Variants in GNAT3 observed in about 807,000 individuals in gnomAD.
GNAT3 encodes guanine nucleotide-binding protein G(t) subunit alpha-3.
In GNAT3, 31 loss-of-function variants were observed where a neutral mutation model predicts 37.7. The ratio of observed to expected loss-of-function variants is 0.82; its 90% confidence interval spans 0.62 to 1.11. GNAT3 has a LOEUF of 1.11. Among genes scored for constraint, GNAT3 ranks in the 50% most tolerant of loss-of-function variants. The pLI is 0.00. For synonymous variants in GNAT3, 138 were observed against 139.8 expected (o/e 0.99, Z 0.09); for missense variants, 437 against 412.5 (o/e 1.06, Z -0.51).
At position 80,511,923 on chromosome 7, in the gene GNAT3, C is replaced by G. The variant is rs1441940846; in HGVS notation, c.4G>C (p.Gly2Arg). 1 of 1,602,128 alleles carries G rather than the reference C, an allele frequency of 6.2e-7. No individual in the cohort carries two copies. The highest frequency in any genetic ancestry group is 2.2e-5 in the East Asian group (1 of 44,786). ...TTGCTCTCTGAACTAATTCCACTTC[C>G]CATCTTGTGGTGGTAGATACTTGTC... M[G>R]SGISSESKES... The change falls in exon 1 of 8, where the codon GGA becomes CGA. Residue 2 changes from glycine (G) to arginine (R), a missense_variant. By Grantham distance (125) the Gly-to-Arg change is moderately radical (BLOSUM62 -2). Coordinates refer to ENST00000398291, the MANE Select transcript of GNAT3 (RefSeq NM_001102386.3).
At chr7:80,482,905 G>C (rs1790416022) in intron 3 of GNAT3, among the ~76,000 whole-genome samples, 2 of 151,800 alleles carry the variant, frequency 1.3e-5, no homozygotes, top group African/African-American at 4.8e-5. Context: ...TATAGTTCTA[G>C]TTTAAACACT....
At chr7:80,498,321 CA>C (rs1200693115) in intron 1 of GNAT3, among the ~76,000 whole-genome samples, 4 of 152,020 alleles carry the variant, frequency 2.6e-5, no homozygotes, top group Non-Finnish European at 5.9e-5. Context: ...GCAGAATAAT[CA>C]ATCACTTTTT....
intron 1 of GNAT3, among the ~76,000 whole-genome samples, chr7:80,503,182 A>G (rs2116225978): frequency 6.6e-6 from 1 of 152,330 alleles, no homozygotes; most frequent in Non-Finnish European, 1.5e-5. Flanking sequence ...CTTCTAGCTC[A>G]TTTCTACATG....
intron 4 of GNAT3, 86 bp from the exon 5 acceptor site, chr7:80,474,465 A>T (rs1430453855): frequency 3.6e-6 from 2 of 548,846 alleles, no homozygotes; most frequent in Admixed American, 7.1e-5. Flanking sequence ...ATACATACAT[A>T]TATATGTGTG....
chr7:80,463,544 C>T (rs533099937), intron 5 of GNAT3, among the ~76,000 whole-genome samples: 1 of 152,116 alleles, frequency 6.6e-6, no homozygotes, highest in East Asian at 1.9e-4. Context: ...AAAGAAGCCT[C>T]CTGGAGCGTC....
intron 5 of GNAT3, among the ~76,000 whole-genome samples, chr7:80,465,639 G>C (rs538877805): frequency 4.6e-5 from 7 of 152,100 alleles, no homozygotes; most frequent in Admixed American, 2.0e-4. Flanking sequence ...ACTAGTACTA[G>C]TGCCTGCAGT....
rs141629024 is a variant in GNAT3, at chr7:80,503,409, A to G, written c.118+8400T>C. 2.9e-3 allele frequency among the ~76,000 whole-genome samples: 448 copies of G among 152,348 alleles called. 1 individual carries two copies. Among genetic ancestry groups the G allele is most frequent in the African/African-American group, 9.9e-3 (412 of 41,590 alleles). On this transcript the variant is annotated intron_variant, in intron 1 of 7. Coordinates refer to ENST00000398291, the MANE Select transcript of GNAT3 (RefSeq NM_001102386.3). ...AATAAAAGGCTTTGCTTGGCTGTAA[A>G]TAAACATTTGATATTTGGAAACCAA...
At chr7:80,461,396 A>G (rs1790047347) in intron 7 of GNAT3, among the ~76,000 whole-genome samples, 1 of 152,094 alleles carries the variant, frequency 6.6e-6, no homozygotes, top group South Asian at 2.1e-4. Flanking sequence ...TGAAAATACG[A>G]AAATTAACTG....
chr7:80,467,896 A>C (rs1790151254), intron 5 of GNAT3, among the ~76,000 whole-genome samples: 3 of 152,010 alleles, frequency 2.0e-5, no homozygotes, highest in Non-Finnish European at 2.9e-5. Flanking sequence ...TGGAACTTAC[A>C]GTCCTCATTT....
At chr7:80,503,624 A>G (rs1352052074) in intron 1 of GNAT3, among the ~76,000 whole-genome samples, 1 of 152,186 alleles carries the variant, frequency 6.6e-6, no homozygotes, top group Non-Finnish European at 1.5e-5. Flanking sequence ...GAGAGGGAAT[A>G]GTCATAAAGC....
At chr7:80,470,408 G>A (rs1471591812) in intron 5 of GNAT3, among the ~76,000 whole-genome samples, 1 of 152,078 alleles carries the variant, frequency 6.6e-6, no homozygotes, top group African/African-American at 2.4e-5. Context: ...TTTTAGTAGA[G>A]ACGGGGTTTC....
intron 7 of GNAT3, among the ~76,000 whole-genome samples, chr7:80,461,765 A>T (rs1790054259): frequency 1.3e-5 from 2 of 151,614 alleles, no homozygotes; most frequent in South Asian, 4.2e-4. Context: ...TCTAGAAACA[A>T]CTCAGAGATT....
At chr7:80,487,245 A>G (rs1790503792) in intron 3 of GNAT3, among the ~76,000 whole-genome samples, 1 of 152,176 alleles carries the variant, frequency 6.6e-6, no homozygotes, top group South Asian at 2.1e-4. Flanking sequence ...AAATAAGAAC[A>G]TGATCACTAA....
At chr7:80,472,124 T>A (rs1197243110) in intron 5 of GNAT3, among the ~76,000 whole-genome samples, 2 of 152,058 alleles carry the variant, frequency 1.3e-5, no homozygotes, top group African/African-American at 4.8e-5. Flanking sequence ...CAATCTCATA[T>A]ATTGATAATT....
intron 3 of GNAT3, among the ~76,000 whole-genome samples, chr7:80,487,165 C>A (rs1790500998): frequency 6.6e-6 from 1 of 152,096 alleles, no homozygotes; most frequent in Admixed American, 6.5e-5. Context: ...TATGTTGTTT[C>A]TTAAGAGCCA....
chr7:80,478,338 C>G (rs960341269), intron 4 of GNAT3, among the ~76,000 whole-genome samples: 4 of 152,164 alleles, frequency 2.6e-5, no homozygotes, highest in Admixed American at 6.6e-5. Context: ...TTTTTTGAGA[C>G]TCCAAAAGAA....
At position 80,458,676 on chromosome 7, in the gene GNAT3, A is replaced by G; in HGVS notation, c.1060T>C (p.Phe354Leu). ...GTGGAAGAGAAAATAGTTGATTAGA[A>G]AAGCCCACAGTCTTTTAGATTCTCT... The part of the protein sequence containing the change: ...IKENLKDCGL[F>L] The change falls in exon 8 of 8, where the codon TTC becomes CTC. Residue 354 changes from phenylalanine to leucine, a missense_variant. Physicochemically the swap from Phe to Leu is conservative, Grantham distance 22. Transcript: ENST00000398291. 6.5e-7 allele frequency: 1 copy of G among 1,530,572 alleles called. No homozygotes were observed. The highest frequency in any genetic ancestry group is 8.8e-7 in the Non-Finnish European group (1 of 1,138,432). 94.8% of individuals were successfully genotyped at this position (1,530,572 alleles called of 1,614,324 possible). A position where few individuals can be genotyped will look rare whatever the true frequency, so the allele number is the denominator to read the frequency against.
chr7:80,481,128 TA>T (rs1790385500), intron 3 of GNAT3, among the ~76,000 whole-genome samples: 1 of 152,182 alleles, frequency 6.6e-6, no homozygotes, highest in Non-Finnish European at 1.5e-5. Flanking sequence ...CACTTATTGT[TA>T]AAGAGACACT....
intron 1 of GNAT3, among the ~76,000 whole-genome samples, chr7:80,505,408 C>T (rs1790914772): frequency 6.6e-6 from 1 of 151,990 alleles, no homozygotes; most frequent in Non-Finnish European, 1.5e-5. Flanking sequence ...CACTCTGTGC[C>T]CAGGCTGGAG....
Sources: allele counts gnomAD v4.1 joint callset (sites outside exome capture counted in the v4.1 genomes callset), GRCh38; gene constraint gnomAD v4.1.1; transcripts MANE v1.5; gene names NCBI Gene and HGNC (gene_info 2026-07-23, HGNC 2026-07-21).